The following PCDHA9 variants were observed in gnomAD, a reference collection of about 807,000 sequenced individuals.
PCDHA9 encodes protocadherin alpha 9.
In PCDHA9, 62 loss-of-function variants were observed where a neutral mutation model predicts 62.0. That is an observed-to-expected ratio of 1.00 (90% confidence interval 0.81 to 1.23). The LOEUF (loss-of-function observed/expected upper bound fraction) is 1.23, where lower values mean the gene tolerates loss of function less well. PCDHA9 is among the 50% of genes most tolerant of loss of function. PCDHA9 has a pLI of 0.00. For synonymous variants in PCDHA9, 557 were observed against 567.6 expected, an observed-to-expected ratio of 0.98 and a Z score of 0.27; for missense variants, 1,205 against 1,249.8, an observed-to-expected ratio of 0.96 and a Z score of 0.54.
intron 1 of PCDHA9, chr5:140,857,533 G>T: frequency 6.3e-7 from 1 of 1,597,578 alleles, no homozygotes. Flanking sequence ...CTCTGGTGGA[G>T]CGGCGGTTGG....
intron 1 of PCDHA9, chr5:140,883,064 G>A (rs2059422329): frequency 1.2e-6 from 2 of 1,614,096 alleles, no homozygotes; most frequent in Non-Finnish European, 1.7e-6. Context: ...CAAGCTAAAT[G>A]CCACAGATCC....
chr5:140,856,851 C>A, intron 1 of PCDHA9: 1 of 1,593,160 alleles, frequency 6.3e-7, no homozygotes. Flanking sequence ...GCTTCTGATT[C>A]GGATGAAGGA....
At chr5:140,906,218 A>G (rs2072464720) in intron 1 of PCDHA9, among the ~76,000 whole-genome samples, 1 of 152,176 alleles carries the variant, frequency 6.6e-6, no homozygotes, top group African/African-American at 2.4e-5. Flanking sequence ...ATTAACCATC[A>G]CAAGTCCTCC....
At chr5:140,901,713 A>G (rs1463520839) in intron 1 of PCDHA9, among the ~76,000 whole-genome samples, 1 of 151,994 alleles carries the variant, frequency 6.6e-6, no homozygotes, top group Non-Finnish European at 1.5e-5. Context: ...ACATTTTCAG[A>G]TTGTCTTTTC....
intron 1 of PCDHA9, chr5:140,926,333 C>G (rs1244364456): frequency 6.6e-6 from 1 of 152,288 alleles, no homozygotes; most frequent in Non-Finnish European, 1.5e-5. Context: ...GGTCAGAGCG[C>G]CGGGACCCGA....
chr5:140,849,962 G>T lies in PCDHA9; in HGVS notation c.1467G>T (p.Leu489=). Residue 489 remains leucine (L), a synonymous_variant, in exon 1 of 4, where the codon CTG becomes CTT. Transcript: ENST00000532602. ...ACGCTGACGCGCAGGAGAACGCCCT[G>T]GTGTCCTACTCGCTGGTGGAGCGGC... is the stretch of plus-strand genomic sequence containing the variant. ...ARDADAQENA[L]VSYSLVERRL... 1 of 1,597,888 alleles carries T rather than the reference G, an allele frequency of 6.3e-7. No homozygotes were observed. The highest frequency in any genetic ancestry group is 8.6e-7 in the Non-Finnish European group (1 of 1,167,922).
At chr5:140,888,147 A>G (rs1182114974) in intron 1 of PCDHA9, among the ~76,000 whole-genome samples, 1 of 152,064 alleles carries the variant, frequency 6.6e-6, no homozygotes, top group African/African-American at 2.4e-5. Flanking sequence ...GCTGTTTTGC[A>G]TGACTGGTAA....
At chr5:140,960,405 C>T (rs2095547214) in intron 1 of PCDHA9, among the ~76,000 whole-genome samples, 1 of 151,828 alleles carries the variant, frequency 6.6e-6, no homozygotes, top group Non-Finnish European at 1.5e-5. Context: ...AGGGGGGGTG[C>T]CCAAAAAGTC....
intron 1 of PCDHA9, among the ~76,000 whole-genome samples, chr5:140,891,255 A>C (rs1313851741): frequency 6.6e-6 from 1 of 151,868 alleles, no homozygotes; most frequent in Non-Finnish European, 1.5e-5. Context: ...GATTTTTTTT[A>C]ATTTTTAATT....
intron 1 of PCDHA9, among the ~76,000 whole-genome samples, chr5:140,970,926 G>A (rs1179837731): frequency 6.6e-6 from 1 of 152,154 alleles, no homozygotes; most frequent in Non-Finnish European, 1.5e-5. Flanking sequence ...AGAAGTGCCT[G>A]GTGTTAGTCA....
At chr5:140,864,054 C>T (rs575153653) in intron 1 of PCDHA9, 20 of 152,698 alleles carry the variant, frequency 1.3e-4, no homozygotes, top group African/African-American at 4.6e-4. Flanking sequence ...TTACTACAGT[C>T]ACCATGAACA....
At chr5:140,942,863 T>A (rs1223265899) in intron 1 of PCDHA9, among the ~76,000 whole-genome samples, 2 of 152,126 alleles carry the variant, frequency 1.3e-5, no homozygotes, top group Non-Finnish European at 2.9e-5. Context: ...TTATTTTGCT[T>A]TAGCATGACA....
chr5:141,010,815 TC>T lies in PCDHA9; in HGVS notation c.*879del, dbSNP rs1159286994. 1.3e-5 allele frequency: 2 copies of T among 153,744 alleles called. No homozygotes were observed. Among genetic ancestry groups the T allele is most frequent in the Admixed American group, 6.5e-5 (1 of 15,280 alleles). 9.5% of individuals were successfully genotyped at this position (153,744 alleles called of 1,614,324 possible). On this transcript the variant is annotated 3_prime_UTR_variant, in exon 4 of 4. Coordinates refer to ENST00000532602, the MANE Select transcript of PCDHA9 (RefSeq NM_031857.2). ...AAAGAAAACCCCGACACCTCACCTT[TC>T]GCTGTTTGTTGTTTCATAGATTTAT...
intron 3 of PCDHA9, among the ~76,000 whole-genome samples, chr5:141,002,460 C>T (rs1554258683): frequency 2.0e-5 from 3 of 152,174 alleles, no homozygotes; most frequent in African/African-American, 7.2e-5. Context: ...ATTTGTATAA[C>T]GCTTTAGCAT....
In PCDHA9 at chr5:141,011,141, A is replaced by T. The variant is rs1039778930; in HGVS notation, c.*1204A>T. ...ACAATTATGTGCACTTTGATACACA[A>T]CCTTCTCTAACCAACTATATATCAA... is the stretch of plus-strand genomic sequence containing the variant. On this transcript the variant is annotated 3_prime_UTR_variant, in exon 4 of 4. Transcript: ENST00000532602. 2.6e-5 allele frequency: 4 copies of T among 153,668 alleles called. No homozygotes were observed. The highest frequency in any genetic ancestry group is 4.4e-5 in the Non-Finnish European group (3 of 68,036). The allele number at this position is 153,668 out of a possible 1,614,324, so 9.5% of individuals were successfully genotyped here. A position where few individuals can be genotyped will look rare whatever the true frequency, so the allele number is the denominator to read the frequency against.
At chr5:140,921,437 G>A (rs2080219286) in intron 1 of PCDHA9, among the ~76,000 whole-genome samples, 1 of 151,992 alleles carries the variant, frequency 6.6e-6, no homozygotes, top group South Asian at 2.1e-4. Context: ...TTTCTTCAAT[G>A]GTGTCTGAAA....
chr5:141,001,867 A>C (rs2153971805), intron 3 of PCDHA9, among the ~76,000 whole-genome samples: 1 of 152,348 alleles, frequency 6.6e-6, no homozygotes, highest in Admixed American at 6.5e-5. Context: ...ATTGATGCCC[A>C]AAACCAAGAA....
chr5:141,008,439 G>A (rs2098377388), intron 3 of PCDHA9, among the ~76,000 whole-genome samples: 1 of 152,128 alleles, frequency 6.6e-6, no homozygotes, highest in African/African-American at 2.4e-5. Context: ...TGCCCAGACA[G>A]ACCATTACCC....
rs1215014992 is a variant in PCDHA9, at chr5:140,859,892, AT to A, written c.2394+9004del. 2.6e-5 allele frequency: 4 copies of A among 152,144 alleles called. No individual in the cohort carries two copies. The East Asian group carries it at 7.7e-4, about 29-fold the overall frequency. The allele number at this position is 152,144 out of a possible 1,614,324, so 9.4% of individuals were successfully genotyped here. On this transcript the variant is annotated intron_variant, in intron 1 of 3. Transcript: ENST00000532602. ...TCCCCCTCTGATATTTTGAAAAAAAATCTTCCTTAATGTCTTATATTATAAG... is the reference window on the plus strand; with the variant it reads ...TCCCCCTCTGATATTTTGAAAAAAAACTTCCTTAATGTCTTATATTATAAG...
Sources: gnomAD v4.1 joint callset for allele counts (sites outside exome capture counted in the v4.1 genomes callset) on GRCh38, gnomAD v4.1.1 for gene constraint, MANE v1.5 for transcripts, NCBI Gene and HGNC (gene_info 2026-07-23, HGNC 2026-07-21) for gene names.